Variants in SHANK2 observed in about 807,000 individuals in gnomAD.
The protein encoded by SHANK2 is SH3 and multiple ankyrin repeat domains 2.
In SHANK2, 43 loss-of-function variants were observed where a neutral mutation model predicts 133.7. That is an observed-to-expected ratio of 0.32 (90% CI 0.25 to 0.41). The LOEUF (loss-of-function observed/expected upper bound fraction) is 0.41, where lower values mean the gene tolerates loss of function less well. Ranked by LOEUF, SHANK2 falls within the 10% of genes least tolerant of loss-of-function variation. The pLI, the probability that SHANK2 is intolerant of heterozygous loss-of-function variation, is 1.00. For missense variants in SHANK2, 1,994 were observed against 2,235.8 expected (o/e 0.89, Z 2.18); for synonymous variants, 1,017 against 952.8 (o/e 1.07, Z -1.24).
At chr11:70,618,710 C>T (rs1424429303) in intron 17 of SHANK2, among the ~76,000 whole-genome samples, 7 of 152,242 alleles carry the variant, frequency 4.6e-5, no homozygotes, top group Non-Finnish European at 7.3e-5. Context: ...TCAGCCCATG[C>T]GGAAACCCTG....
At chr11:70,698,576 G>C in intron 15 of SHANK2, 112 bp downstream of exon 15, 1 of 705,386 alleles carries the variant, frequency 1.4e-6, no homozygotes, top group Non-Finnish European at 2.6e-6. Context: ...ACAGGCACAG[G>C]GAGGCAGACA....
chr11:70,925,746 C>T (rs1293251761), intron 10 of SHANK2, among the ~76,000 whole-genome samples: 1 of 152,152 alleles, frequency 6.6e-6, no homozygotes, highest in African/African-American at 2.4e-5. Context: ...ACAGCACTAA[C>T]TTCTTATTGT....
intron 3 of SHANK2, among the ~76,000 whole-genome samples, chr11:71,143,122 C>A (rs1238895909): frequency 6.6e-6 from 1 of 152,158 alleles, no homozygotes; most frequent in Non-Finnish European, 1.5e-5. Context: ...GAAATCCCAG[C>A]AACTTGGGAG....
chr11:70,519,109 C>T (rs920809627), intron 17 of SHANK2, among the ~76,000 whole-genome samples: 2 of 152,016 alleles, frequency 1.3e-5, no homozygotes, highest in African/African-American at 2.4e-5. Flanking sequence ...TGGGGTCTTC[C>T]TGTGTTGGCC....
At chr11:71,127,642 T>C (rs1196571713) in intron 3 of SHANK2, among the ~76,000 whole-genome samples, 14 of 152,250 alleles carry the variant, frequency 9.2e-5, no homozygotes, top group Admixed American at 9.2e-4. Flanking sequence ...ATTTTTTAAT[T>C]AGGGTATATA....
At chr11:70,939,723 C>T (rs1180958665) in intron 10 of SHANK2, among the ~76,000 whole-genome samples, 1 of 152,130 alleles carries the variant, frequency 6.6e-6, no homozygotes, top group African/African-American at 2.4e-5. Context: ...CCGTCCTACC[C>T]GCAGCCCTCC....
intron 15 of SHANK2, among the ~76,000 whole-genome samples, chr11:70,681,701 C>T (rs1945032692): frequency 6.6e-6 from 1 of 152,138 alleles, no homozygotes; most frequent in South Asian, 2.1e-4. Flanking sequence ...CCCTCCTGCC[C>T]ATGCCTTTTG....
intron 14 of SHANK2, among the ~76,000 whole-genome samples, chr11:70,721,073 A>C (rs1311351001): frequency 6.6e-6 from 1 of 152,232 alleles, no homozygotes; most frequent in Non-Finnish European, 1.5e-5. Context: ...TCCCTGACTG[A>C]CCGGCAGTCC....
chr11:70,747,429 AC>A, intron 14 of SHANK2, among the ~76,000 whole-genome samples: 1 of 151,866 alleles, frequency 6.6e-6, no homozygotes, highest in African/African-American at 2.4e-5. Flanking sequence ...GCTCCTAATC[AC>A]CCCAGGCCAG....
chr11:70,668,753 G>T (rs951819279), intron 15 of SHANK2: 2 of 152,376 alleles, frequency 1.3e-5, no homozygotes, highest in African/African-American at 4.8e-5. Context: ...GACTGGGGAG[G>T]GGACAGAAGA....
At chr11:71,238,413 CTGAGA>C (rs1280371247) in intron 1 of SHANK2, among the ~76,000 whole-genome samples, 1 of 152,226 alleles carries the variant, frequency 6.6e-6, no homozygotes. Flanking sequence ...TCACAGCTAC[CTGAGA>C]TATGTTAGTA....
intron 14 of SHANK2, among the ~76,000 whole-genome samples, chr11:70,753,363 C>G (rs1181638697): frequency 6.6e-6 from 1 of 152,082 alleles, no homozygotes; most frequent in Non-Finnish European, 1.5e-5. Context: ...TCAACAATAA[C>G]GAGCATAATA....
intron 11 of SHANK2, among the ~76,000 whole-genome samples, chr11:70,827,688 AAAACACACAC>A (rs1433611608): frequency 2.9e-4 from 10 of 34,870 alleles, no homozygotes; most frequent in Admixed American, 1.1e-3. Flanking sequence ...TCAGAAATTT[AAAACACACAC>A]ACACACACAC....
chr11:70,722,140 C>T (rs1044605385), intron 14 of SHANK2, among the ~76,000 whole-genome samples: 1 of 152,246 alleles, frequency 6.6e-6, no homozygotes, highest in African/African-American at 2.4e-5. Flanking sequence ...GGGATGTGTG[C>T]TGTCTCTTGG....
At position 70,468,668 on chromosome 11, in the gene SHANK2, A is replaced by T. The variant is rs997626895; in HGVS notation, c.*4201T>A. On this transcript the variant is annotated 3_prime_UTR_variant, in exon 26 of 26. Coordinates refer to ENST00000601538, the MANE Select transcript of SHANK2 (RefSeq NM_012309.5). Reference sequence around the variant, plus strand: ...GGAAGCAAAGTCTAGGGGGGTGCCAAGGTTTGGGAGAAACTATTGGATGGT... The same window carrying T: ...GGAAGCAAAGTCTAGGGGGGTGCCATGGTTTGGGAGAAACTATTGGATGGT... 1 of 152,218 alleles carries T rather than the reference A, an allele frequency of 6.6e-6. No homozygotes were observed. The highest frequency in any genetic ancestry group is 2.4e-5 in the African/African-American group (1 of 41,456). 9.4% of individuals were successfully genotyped at this position (152,218 alleles called of 1,614,324 possible).
chr11:70,890,772 C>T lies in SHANK2; in HGVS notation c.1174+5729G>A, dbSNP rs4980559. On this transcript the variant is annotated intron_variant, in intron 11 of 25. Coordinates refer to ENST00000601538, the MANE Select transcript of SHANK2 (RefSeq NM_012309.5). ...CAAGATCGCACCACTGCATTCCAGC[C>T]AGGGCAGCAAGAGTGAAACTGTCTC... Among the ~76,000 whole-genome samples, 444 of 140,814 alleles carry T rather than the reference C, an allele frequency of 3.2e-3. 7 individuals are homozygous for T. The highest frequency in any genetic ancestry group is 0.011 in the African/African-American group (423 of 37,658). 92.4% of individuals were successfully genotyped at this position (140,814 alleles called of 152,430 possible).
chr11:71,153,252 C>A (rs551991415), intron 2 of SHANK2, among the ~76,000 whole-genome samples: 1 of 138,202 alleles, frequency 7.2e-6, no homozygotes, highest in East Asian at 2.2e-4. Flanking sequence ...CTCACCACCC[C>A]GGGGCAACCG....
chr11:70,489,894 C>T (rs111393304), intron 23 of SHANK2: 4,659 of 315,762 alleles, frequency 0.015, 63 homozygotes, highest in Non-Finnish European at 0.022. Flanking sequence ...CTGGTGGTGG[C>T]TGGGGAATGC....
At chr11:70,529,041 G>A (rs912970842) in intron 17 of SHANK2, among the ~76,000 whole-genome samples, 1 of 152,144 alleles carries the variant, frequency 6.6e-6, no homozygotes, top group African/African-American at 2.4e-5. Context: ...CCTGGAGCCT[G>A]GCTTGGGGCG....
Sources: gnomAD v4.1 joint callset for allele counts (sites outside exome capture counted in the v4.1 genomes callset) on GRCh38, gnomAD v4.1.1 for gene constraint, MANE v1.5 for transcripts, NCBI Gene and HGNC (gene_info 2026-07-23, HGNC 2026-07-21) for gene names.